The following EZR variants were observed in gnomAD, a reference collection of about 807,000 sequenced individuals.
EZR encodes the protein ezrin, also known as cytovillin 2.
Under a neutral mutation model 74.8 loss-of-function variants are expected in EZR, and 40 were observed. The ratio of observed to expected loss-of-function variants is 0.53; its 90% CI spans 0.42 to 0.70. The LOEUF is 0.70. Among genes scored for constraint, EZR ranks in the 30% least tolerant of loss-of-function variants. EZR has a pLI of 0.00. For synonymous variants in EZR, 341 were observed against 283.3 expected, an observed-to-expected ratio of 1.20 and a Z score of -2.05; for missense variants, 678 against 755.8, an observed-to-expected ratio of 0.90 and a Z score of 1.21.
At chr6:158,770,092 T>G (rs1791054111) in intron 10 of EZR, 148 bp from the exon 11 acceptor site, 1 of 1,051,568 alleles carries the variant, frequency 9.5e-7, no homozygotes, top group Non-Finnish European at 1.3e-6. Context: ...AGGAAAGCAC[T>G]TCACAGAGCT....
At chr6:158,797,380 A>C (rs868209867) in intron 2 of EZR, among the ~76,000 whole-genome samples, 1 of 152,214 alleles carries the variant, frequency 6.6e-6, no homozygotes, top group Non-Finnish European at 1.5e-5. Flanking sequence ...GGAGCATTTG[A>C]ATGTCTGAAT....
At chr6:158,811,934 A>AGAGAAAG (rs1295782451) in intron 2 of EZR, among the ~76,000 whole-genome samples, 8 of 151,832 alleles carry the variant, frequency 5.3e-5, no homozygotes, top group African/African-American at 1.9e-4. Flanking sequence ...AAGGAATAAA[A>AGAGAAAG]GAGGAACAAG....
intron 2 of EZR, among the ~76,000 whole-genome samples, chr6:158,794,568 C>G (rs1428797564): frequency 6.6e-6 from 1 of 152,182 alleles, no homozygotes; most frequent in East Asian, 1.9e-4. Context: ...AAACACACCA[C>G]CACACATATC....
chr6:158,818,939 G>A (rs908677155), intron 1 of EZR, among the ~76,000 whole-genome samples: 2 of 152,104 alleles, frequency 1.3e-5, no homozygotes, highest in Admixed American at 6.5e-5. Context: ...CAGGAAGCCC[G>A]TGAGAAGCCG....
At chr6:158,794,983 G>A (rs1022306731) in intron 2 of EZR, among the ~76,000 whole-genome samples, 1 of 152,300 alleles carries the variant, frequency 6.6e-6, no homozygotes, top group Non-Finnish European at 1.5e-5. Flanking sequence ...AGGCGCAGTG[G>A]CTCACACCTG....
chr6:158,784,514 A>T, intron 6 of EZR, 130 bp downstream of exon 6: 1 of 744,374 alleles, frequency 1.3e-6, no homozygotes, highest in Non-Finnish European at 2.2e-6. Context: ...CCCCACTTTT[A>T]ACTCGGTTCC....
chr6:158,771,116 A>T (rs1004997637), intron 9 of EZR, 128 bp downstream of exon 9: 19 of 1,404,878 alleles, frequency 1.4e-5, no homozygotes, highest in Non-Finnish European at 1.8e-5. Context: ...CGAAGATCCC[A>T]GCGTGGTGAC....
intron 2 of EZR, among the ~76,000 whole-genome samples, chr6:158,802,291 G>A (rs909487740): frequency 6.6e-6 from 1 of 152,180 alleles, no homozygotes; most frequent in Non-Finnish European, 1.5e-5. Context: ...CTTATTTTAG[G>A]AAATGGGAGT....
intron 2 of EZR, among the ~76,000 whole-genome samples, chr6:158,808,449 A>C (rs1348811522): frequency 6.6e-6 from 1 of 152,238 alleles, no homozygotes; most frequent in Non-Finnish European, 1.5e-5. Flanking sequence ...TGGCAGCAAA[A>C]GGACAAACAA....
chr6:158,770,079 T>A, intron 10 of EZR, 135 bp from the exon 11 acceptor site: 5 of 1,183,046 alleles, frequency 4.2e-6, no homozygotes, highest in Non-Finnish European at 4.7e-6. Context: ...CCAGTGACCC[T>A]GGAGGAAAGC....
At chr6:158,785,098 C>T (rs1791537023) in intron 5 of EZR, among the ~76,000 whole-genome samples, 1 of 152,248 alleles carries the variant, frequency 6.6e-6, no homozygotes, top group Admixed American at 6.5e-5. Context: ...TCCCACAGGA[C>T]ACGGCCACGC....
At chr6:158,805,655 C>G (rs1777321479) in intron 2 of EZR, among the ~76,000 whole-genome samples, 2 of 152,202 alleles carry the variant, frequency 1.3e-5, no homozygotes, top group South Asian at 4.1e-4. Flanking sequence ...TAAGCAAACC[C>G]TGCCAAAACT....
Position 158,818,174 on chromosome 6 carries a change from C to G in EZR, c.-73-8G>C, listed in dbSNP as rs1372754963. 1.1e-5 allele frequency: 17 copies of G among 1,530,632 alleles called. No individual in the cohort carries two copies. Among genetic ancestry groups the G allele is most frequent in the Non-Finnish European group, 1.5e-5 (17 of 1,114,818 alleles). 94.8% of individuals were successfully genotyped at this position (1,530,632 alleles called of 1,614,324 possible). A position where few individuals can be genotyped will look rare whatever the true frequency, so the allele number is the denominator to read the frequency against. ...CGAAGACGCTGTCCCAACCTGGAGT[C>G]AGAGCAGAACCCTTAGAGCGCCCGC... On this transcript the variant is annotated splice_region_variant and splice_polypyrimidine_tract_variant and intron_variant, in intron 1 of 13. Coordinates refer to ENST00000367075, the MANE Select transcript of EZR (RefSeq NM_001111077.2).
intron 3 of EZR, among the ~76,000 whole-genome samples, chr6:158,788,710 ATAAG>A (rs1562498236): frequency 1.3e-5 from 2 of 152,054 alleles, no homozygotes; most frequent in Non-Finnish European, 2.9e-5. Context: ...AAAGTATTTA[ATAAG>A]TAAGTAGTAA....
intron 2 of EZR, among the ~76,000 whole-genome samples, chr6:158,816,138 CAG>C (rs1202672199): frequency 2.0e-5 from 3 of 152,066 alleles, no homozygotes; most frequent in Non-Finnish European, 2.9e-5. Flanking sequence ...TTCATAGAGA[CAG>C]AAAGTAGAAT....
chr6:158,791,992 G>A (rs1038270634), intron 2 of EZR, among the ~76,000 whole-genome samples: 1 of 151,988 alleles, frequency 6.6e-6, no homozygotes, highest in African/African-American at 2.4e-5. Flanking sequence ...ACAGGCGTGA[G>A]CCACCGCGCC....
chr6:158,786,346 C>A (rs1791582614), intron 4 of EZR, among the ~76,000 whole-genome samples: 1 of 152,214 alleles, frequency 6.6e-6, no homozygotes, highest in Non-Finnish European at 1.5e-5. Flanking sequence ...TGCACCCCAG[C>A]CTGGGCGACA....
At chr6:158,769,035 C>T (rs1177508872) in intron 12 of EZR, among the ~76,000 whole-genome samples, 3 of 152,182 alleles carry the variant, frequency 2.0e-5, no homozygotes, top group Non-Finnish European at 4.4e-5. Context: ...CTGAACAGTT[C>T]GGGGTGGAGG....
chr6:158,774,672 A>ACACACACACACAC (rs1791216343), intron 8 of EZR, among the ~76,000 whole-genome samples: 1 of 142,396 alleles, frequency 7.0e-6, no homozygotes, highest in Non-Finnish European at 1.5e-5. Context: ...CTTATCATCA[A>ACACACACACACAC]ACACACACAC....
Sources: allele counts gnomAD v4.1 joint callset (sites outside exome capture counted in the v4.1 genomes callset), GRCh38; gene constraint gnomAD v4.1.1; transcripts MANE v1.5; gene names NCBI Gene and HGNC (gene_info 2026-07-23, HGNC 2026-07-21).